Variants in RBFOX1 observed in about 807,000 individuals in gnomAD.
RBFOX1 encodes the protein RNA binding fox-1 homolog 1.
RBFOX1 carries 8 observed loss-of-function variants against 57.7 expected under a neutral mutation model. That is an observed-to-expected ratio of 0.14 (90% CI 0.08 to 0.25). RBFOX1 has a LOEUF of 0.25. Among genes scored for constraint, RBFOX1 ranks in the 10% least tolerant of loss-of-function variants. The pLI is 1.00. For missense variants in RBFOX1, 611 were observed against 548.5 expected (o/e 1.11, Z -1.14); for synonymous variants, 326 against 222.4 (o/e 1.47, Z -4.15).
intron 3 of RBFOX1, among the ~76,000 whole-genome samples, chr16:5,782,402 T>C (rs559713373): frequency 6.8e-4 from 103 of 152,282 alleles, no homozygotes; most frequent in Non-Finnish European, 1.2e-3. Context: ...TCAAGCTCTT[T>C]TATAATGACA....
At chr16:6,818,379 C>G (rs1165080607) in intron 3 of RBFOX1, among the ~76,000 whole-genome samples, 1 of 151,828 alleles carries the variant, frequency 6.6e-6, no homozygotes, top group Non-Finnish European at 1.5e-5. Context: ...GGACTTAAAC[C>G]AAGTTTAGAA....
chr16:6,204,773 C>A (rs35321150), intron 1 of RBFOX1, among the ~76,000 whole-genome samples: 6,287 of 152,174 alleles, frequency 0.041, 208 homozygotes, highest in Middle Eastern at 0.088. Context: ...ACCTTATTGA[C>A]AATGGATGCC....
intron 14 of RBFOX1, among the ~76,000 whole-genome samples, chr16:7,706,936 C>G (rs529090968): frequency 2.9e-4 from 44 of 152,282 alleles, no homozygotes; most frequent in Admixed American, 8.5e-4. Context: ...CACATCTGCC[C>G]TTGGACCGAT....
chr16:5,862,139 C>T (rs1567640215), intron 3 of RBFOX1, among the ~76,000 whole-genome samples: 1 of 152,156 alleles, frequency 6.6e-6, no homozygotes, highest in South Asian at 2.1e-4. Context: ...AAGCCAGAGA[C>T]AGTCTGGCAA....
At chr16:6,328,301 G>A (rs2082607063) in intron 2 of RBFOX1, among the ~76,000 whole-genome samples, 1 of 152,088 alleles carries the variant, frequency 6.6e-6, no homozygotes. Context: ...GGGGGATGAA[G>A]GATAAAAGAC....
chr16:6,424,332 G>A (rs1451984641), intron 2 of RBFOX1, among the ~76,000 whole-genome samples: 1 of 152,164 alleles, frequency 6.6e-6, no homozygotes, highest in Non-Finnish European at 1.5e-5. Context: ...GCAACTTGGA[G>A]GACAAGTATC....
At chr16:5,945,364 A>T (rs1432091117) in intron 4 of RBFOX1, among the ~76,000 whole-genome samples, 1 of 152,230 alleles carries the variant, frequency 6.6e-6, no homozygotes, top group African/African-American at 2.4e-5. Flanking sequence ...GATTTGGGAC[A>T]GCCATTATAC....
At chr16:7,688,614 C>G (rs1234221073) in intron 14 of RBFOX1, among the ~76,000 whole-genome samples, 1 of 152,018 alleles carries the variant, frequency 6.6e-6, no homozygotes, top group African/African-American at 2.4e-5. Flanking sequence ...GAGATTTAAC[C>G]TAAGGAACAA....
chr16:7,047,831 A>G (rs767862093), intron 3 of RBFOX1, among the ~76,000 whole-genome samples: 3 of 140,508 alleles, frequency 2.1e-5, no homozygotes, highest in Non-Finnish European at 3.0e-5. Context: ...TGTTGTCTTC[A>G]TTCTGTGTTT....
Position 6,144,761 on chromosome 16 carries a change from C to A in RBFOX1, c.-127+124769C>A, listed in dbSNP as rs560710604. 1.6e-3 allele frequency among the ~76,000 whole-genome samples: 250 copies of A among 152,266 alleles called. 4 individuals carry two copies. The highest frequency in any genetic ancestry group is 2.6e-4 in the Non-Finnish European group (18 of 68,026). On this transcript the variant is annotated intron_variant, in intron 1 of 15. Coordinates refer to ENST00000550418, the MANE Select transcript of RBFOX1 (RefSeq NM_018723.4). The stretch of plus-strand genomic sequence containing the variant: ...ATTCCATTATGCACAGTCCTCTGAG[C>A]AATAGCCACATAATTTAAAAACAGC...
intron 4 of RBFOX1, among the ~76,000 whole-genome samples, chr16:7,256,784 C>A (rs978509013): frequency 2.0e-5 from 3 of 152,112 alleles, no homozygotes; most frequent in Admixed American, 2.0e-4. Flanking sequence ...CATTTAACTT[C>A]GAATCTTGGA....
intron 2 of RBFOX1, among the ~76,000 whole-genome samples, chr16:5,578,844 C>CCT (rs1555470153): frequency 9.2e-6 from 1 of 109,020 alleles, no homozygotes; most frequent in African/African-American, 3.5e-5. Flanking sequence ...CACACACACC[C>CCT]TTTTTTTTTT....
chr16:6,893,161 A>T (rs2065932873), intron 3 of RBFOX1, among the ~76,000 whole-genome samples: 1 of 151,954 alleles, frequency 6.6e-6, no homozygotes, highest in Admixed American at 6.6e-5. Context: ...CAGCTCTTTC[A>T]CCTCATTTTG....
chr16:5,365,873 C>T, intron 1 of RBFOX1: 2 of 508,074 alleles, frequency 3.9e-6, no homozygotes, highest in Non-Finnish European at 7.8e-6. Context: ...TCAAGGCTGA[C>T]AAAGATGATC....
chr16:5,360,534 C>T (rs185607220), intron 1 of RBFOX1, among the ~76,000 whole-genome samples: 4 of 152,264 alleles, frequency 2.6e-5, no homozygotes, highest in Non-Finnish European at 4.4e-5. Flanking sequence ...GCTACCTGGG[C>T]TGAGTCTAAT....
intron 4 of RBFOX1, among the ~76,000 whole-genome samples, chr16:7,102,494 C>A (rs776443604): frequency 1.3e-5 from 2 of 152,038 alleles, no homozygotes; most frequent in Non-Finnish European, 2.9e-5. Context: ...TAATAGAGAC[C>A]AAAGTAGATC....
At chr16:7,487,903 AT>A (rs2151431604) in intron 4 of RBFOX1, among the ~76,000 whole-genome samples, 1 of 152,198 alleles carries the variant, frequency 6.6e-6, no homozygotes, top group South Asian at 2.1e-4. Context: ...AAGCAAATCT[AT>A]TACCAGCGTC....
At chr16:7,596,257 A>T (rs187225199) in intron 8 of RBFOX1, among the ~76,000 whole-genome samples, 148 of 150,708 alleles carry the variant, frequency 9.8e-4, no homozygotes, top group Admixed American at 1.8e-3. Context: ...CCTGTTCAAT[A>T]TCTGGCCCCT....
chr16:7,394,235 C>CAAAAAAAAA (rs59934126), intron 4 of RBFOX1, among the ~76,000 whole-genome samples: 27 of 55,038 alleles, frequency 4.9e-4, no homozygotes, highest in African/African-American at 1.2e-3. Flanking sequence ...GACTCCGCAT[C>CAAAAAAAAA]AAAAAAAAAA....
Sources: gnomAD v4.1 joint callset for allele counts (sites outside exome capture counted in the v4.1 genomes callset) on GRCh38, gnomAD v4.1.1 for gene constraint, MANE v1.5 for transcripts, NCBI Gene and HGNC (gene_info 2026-07-23, HGNC 2026-07-21) for gene names.